The following ANKRD49 variants were observed in gnomAD, a reference collection of about 807,000 sequenced individuals.
ANKRD49 encodes the protein ankyrin repeat domain 49, also known as ankyrin repeat domain-containing protein 49.
ANKRD49 carries 18 observed loss-of-function variants against 19.6 expected under a neutral mutation model. The ratio of observed to expected loss-of-function variants is 0.92; its 90% CI spans 0.63 to 1.36. The LOEUF is 1.36. ANKRD49 is among the 40% of genes most tolerant of loss of function. ANKRD49 has a pLI of 0.00. For synonymous variants in ANKRD49, 88 were observed against 101.8 expected (o/e 0.86, Z 0.82); for missense variants, 218 against 281.6 (o/e 0.77, Z 1.62).
In ANKRD49 at chr11:94,498,865, A is replaced by T. The variant is rs1160608044; in HGVS notation, c.*333A>T. 3 of 268,692 alleles carry T rather than the reference A, an allele frequency of 1.1e-5. No homozygotes were observed. The highest frequency in any genetic ancestry group is 2.1e-5 in the Non-Finnish European group (3 of 141,266). 16.6% of individuals were successfully genotyped at this position (268,692 alleles called of 1,614,324 possible). A position where few individuals can be genotyped will look rare whatever the true frequency, so the allele number is the denominator to read the frequency against. ...TATTTTTAAATATCCCACATCCTGG[A>T]TCTTTGTTGGGTATTTAGTATATTG... On this transcript the variant is annotated 3_prime_UTR_variant, in exon 3 of 3. Transcript: ENST00000544612.
chr11:94,498,052 T>G lies in ANKRD49; in HGVS notation c.259-19T>G, dbSNP rs1336982329. On this transcript the variant is annotated intron_variant, in intron 2 of 2. Coordinates refer to ENST00000544612, the MANE Select transcript of ANKRD49 (RefSeq NM_017704.3). ...TTTGGTTTGAGTTGAGTTGAAAGAT[T>G]TCTTTTTTTTCTTCTCAGCTTACCA... is the stretch of plus-strand genomic sequence containing the variant. 1.3e-6 allele frequency: 2 copies of G among 1,535,812 alleles called. No individual in the cohort carries two copies. Among genetic ancestry groups the G allele is most frequent in the Admixed American group, 4.2e-5 (2 of 47,558 alleles).
Position 94,496,684 on chromosome 11 carries a change from G to C in ANKRD49, c.-10G>C, listed in dbSNP as rs751524945. On this transcript the variant is annotated 5_prime_UTR_variant, in exon 2 of 3. Transcript: ENST00000544612. ...TTTGAAATGCTTTTTATTTAGAATA[G>C]TAGTAAAAAATGGAAAAAGAAAAAG... is the stretch of plus-strand genomic sequence containing the variant. 18 of 1,567,712 alleles carry C rather than the reference G, an allele frequency of 1.1e-5. No homozygotes were observed. The South Asian group carries it at 1.8e-4, about 16-fold the overall frequency.
chr11:94,496,906 A>G lies in ANKRD49; in HGVS notation c.213A>G (p.Glu71=), dbSNP rs770291857. The stretch of plus-strand genomic sequence containing the variant: ...ATCGATTGCAAGAAAAAAAAATGGA[A>G]AAAGACCCAAGCAGATTGCTTCTTT... ...EWYRLQEKKM[E]KDPSRLLLWA... The change falls in exon 2 of 3, where the codon GAA becomes GAG. Residue 71 remains glutamate, a synonymous_variant. Transcript: ENST00000544612. 1 of 1,613,914 alleles carries G rather than the reference A, an allele frequency of 6.2e-7. No individual in the cohort carries two copies. Among genetic ancestry groups the G allele is most frequent in the Non-Finnish European group, 8.5e-7 (1 of 1,179,984 alleles).
At chr11:94,494,190 T>A (rs1331813446) in intron 1 of ANKRD49, 155 bp downstream of exon 1, 1 of 152,190 alleles carries the variant, frequency 6.6e-6, no homozygotes. Context: ...AAGCCGCTTC[T>A]CCGCTCTTGG....
chr11:94,498,177 A>G lies in ANKRD49; in HGVS notation c.365A>G (p.Asp122Gly). The change falls in exon 3 of 3, where the codon GAT (aspartate) becomes GGT (glycine). Residue 122 changes from aspartate to glycine, a missense_variant. Physicochemically the swap from Asp to Gly is moderately conservative, Grantham distance 94 (BLOSUM62 -1). Coordinates refer to ENST00000544612, the MANE Select transcript of ANKRD49 (RefSeq NM_017704.3). The stretch of plus-strand genomic sequence containing the variant: ...CGAGCAGCCTACAGTGGACACTTAG[A>G]TATTGTTCAGGAGCTCATTGCACAG... ...LHRAAYSGHL[D>G]IVQELIAQGA... The G allele has an allele frequency of 6.2e-7, 1 of 1,614,148 alleles. No homozygotes were observed. Among genetic ancestry groups the G allele is most frequent in the Non-Finnish European group, 8.5e-7 (1 of 1,180,036 alleles).
intron 2 of ANKRD49, 116 bp from the exon 3 acceptor site, chr11:94,497,955 C>G: frequency 1.4e-6 from 1 of 732,616 alleles, no homozygotes; most frequent in Non-Finnish European, 2.1e-6. Flanking sequence ...TTAAAGTCAT[C>G]TACTAACAAG....
chr11:94,494,222 G>C (rs1354898880), intron 1 of ANKRD49, 187 bp downstream of exon 1: 3 of 152,212 alleles, frequency 2.0e-5, no homozygotes, highest in Admixed American at 2.0e-4. Flanking sequence ...GCCGCAGGCG[G>C]AGCTCACGGG....
Position 94,496,642 on chromosome 11 carries a change from A to T in ANKRD49, c.-52A>T, listed in dbSNP as rs918981541. On this transcript the variant is annotated 5_prime_UTR_variant, in exon 2 of 3. It adds an upstream start codon to the 5' untranslated region. Transcript: ENST00000544612. ...AAGCAGTCATAATTCATCTCTAGAAAGATTTATATCCTGGCATTTGAAATG... is the reference window on the plus strand; with the variant it reads ...AAGCAGTCATAATTCATCTCTAGAATGATTTATATCCTGGCATTTGAAATG... 28 of 1,455,872 alleles carry T rather than the reference A, an allele frequency of 1.9e-5. No homozygotes were observed. The highest frequency in any genetic ancestry group is 6.9e-5 in the South Asian group (5 of 72,142). The allele number at this position is 1,455,872 out of a possible 1,614,324, so 90.2% of individuals were successfully genotyped here.
Position 94,498,634 on chromosome 11 carries a change from T to G in ANKRD49, c.*102T>G. 5.1e-6 allele frequency: 5 copies of G among 983,292 alleles called. No individual in the cohort carries two copies. The highest frequency in any genetic ancestry group is 7.6e-6 in the Non-Finnish European group (5 of 657,636). 60.9% of individuals were successfully genotyped at this position (983,292 alleles called of 1,614,324 possible). A position where few individuals can be genotyped will look rare whatever the true frequency, so the allele number is the denominator to read the frequency against. ...ACGTCAAACATCTTACTACAAAAAT[T>G]CAGTGACATTCATTATAACATTCTT... On this transcript the variant is annotated 3_prime_UTR_variant, in exon 3 of 3. Coordinates refer to ENST00000544612, the MANE Select transcript of ANKRD49 (RefSeq NM_017704.3).
In ANKRD49 at chr11:94,499,225, A is replaced by G. The variant is rs1947458767; in HGVS notation, c.*693A>G. 1 of 152,984 alleles carries G rather than the reference A, an allele frequency of 6.5e-6. No individual in the cohort carries two copies. The highest frequency in any genetic ancestry group is 1.5e-5 in the Non-Finnish European group (1 of 68,246). 9.5% of individuals were successfully genotyped at this position (152,984 alleles called of 1,614,324 possible). A position where few individuals can be genotyped will look rare whatever the true frequency, so the allele number is the denominator to read the frequency against. On this transcript the variant is annotated 3_prime_UTR_variant, in exon 3 of 3. Coordinates refer to ENST00000544612, the MANE Select transcript of ANKRD49 (RefSeq NM_017704.3). ...GGTCAACCTACATGATCCTTAAGCT[A>G]ATGGCGAATCACGATGACCTTGTAG...
At chr11:94,495,395 C>T (rs1947400808) in intron 1 of ANKRD49, among the ~76,000 whole-genome samples, 1 of 152,052 alleles carries the variant, frequency 6.6e-6, no homozygotes, top group African/African-American at 2.4e-5. Flanking sequence ...TATCTTTCAG[C>T]TTATAATCTT....
At chr11:94,496,349 C>G (rs567067670) in intron 1 of ANKRD49, among the ~76,000 whole-genome samples, 2 of 152,144 alleles carry the variant, frequency 1.3e-5, no homozygotes, top group South Asian at 4.1e-4. Context: ...ATACCTAAAC[C>G]AGTAGATTAA....
rs1947450674 is a variant in ANKRD49 at position 94,498,541 on chromosome 11, G to A, written c.*9G>A. ...CTTCACCTCAGTCTTAACAATTCTA[G>A]TAATTTTCCTAAGTTTCTAAATACC... is the stretch of plus-strand genomic sequence containing the variant. On this transcript the variant is annotated 3_prime_UTR_variant, in exon 3 of 3. Coordinates refer to ENST00000544612, the MANE Select transcript of ANKRD49 (RefSeq NM_017704.3). 2.5e-6 allele frequency: 4 copies of A among 1,594,910 alleles called. No homozygotes were observed. The highest frequency in any genetic ancestry group is 3.4e-6 in the Non-Finnish European group (4 of 1,169,702).
rs1203218620 is a variant in ANKRD49 at position 94,498,064 on chromosome 11, T to C, written c.259-7T>C. 2.6e-6 allele frequency: 4 copies of C among 1,553,816 alleles called. No individual in the cohort carries two copies. The East Asian group carries it at 6.8e-5, about 26-fold the overall frequency. Reference sequence around the variant, plus strand: ...TGAGTTGAAAGATTTCTTTTTTTTCTTCTCAGCTTACCACAGTGCGGAGAC... The same window carrying C: ...TGAGTTGAAAGATTTCTTTTTTTTCCTCTCAGCTTACCACAGTGCGGAGAC... On this transcript the variant is annotated splice_polypyrimidine_tract_variant and splice_region_variant and intron_variant, in intron 2 of 2. Transcript: ENST00000544612.
rs772650392 is a variant in ANKRD49 at position 94,498,539 on chromosome 11, T to C, written c.*7T>C. On this transcript the variant is annotated 3_prime_UTR_variant, in exon 3 of 3. Coordinates refer to ENST00000544612, the MANE Select transcript of ANKRD49 (RefSeq NM_017704.3). ...TTCTTCACCTCAGTCTTAACAATTC[T>C]AGTAATTTTCCTAAGTTTCTAAATA... The C allele has an allele frequency of 6.3e-7, 1 of 1,596,376 alleles. No homozygotes were observed. Among genetic ancestry groups the C allele is most frequent in the South Asian group, 1.1e-5 (1 of 88,828 alleles).
At chr11:94,494,873 C>T (rs1287632515) in intron 1 of ANKRD49, among the ~76,000 whole-genome samples, 1 of 152,082 alleles carries the variant, frequency 6.6e-6, no homozygotes, top group Non-Finnish European at 1.5e-5. Context: ...TTATTAGCAT[C>T]TGTTAAGTGT....
At chr11:94,497,316 TTC>T (rs1396297345) in intron 2 of ANKRD49, 4 of 390,748 alleles carry the variant, frequency 1.0e-5, no homozygotes, top group African/African-American at 8.2e-5. Flanking sequence ...AGTAATATTC[TTC>T]TCTTTTATAG....
chr11:94,498,549 C>T lies in ANKRD49; in HGVS notation c.*17C>T, dbSNP rs977952872. 1.9e-6 allele frequency: 3 copies of T among 1,587,210 alleles called. No homozygotes were observed. Among genetic ancestry groups the T allele is most frequent in the African/African-American group, 2.7e-5 (2 of 73,908 alleles). On this transcript the variant is annotated 3_prime_UTR_variant, in exon 3 of 3. Transcript: ENST00000544612. ...CAGTCTTAACAATTCTAGTAATTTT[C>T]CTAAGTTTCTAAATACCAGTGCCTC...
chr11:94,498,056 T>A lies in ANKRD49; in HGVS notation c.259-15T>A. 6.5e-7 allele frequency: 1 copy of A among 1,542,230 alleles called. No individual in the cohort carries two copies. The highest frequency in any genetic ancestry group is 8.7e-7 in the Non-Finnish European group (1 of 1,146,414). On this transcript the variant is annotated splice_polypyrimidine_tract_variant and intron_variant, in intron 2 of 2. Coordinates refer to ENST00000544612, the MANE Select transcript of ANKRD49 (RefSeq NM_017704.3). ...GTTTGAGTTGAGTTGAAAGATTTCT[T>A]TTTTTTCTTCTCAGCTTACCACAGT...
Sources: allele counts gnomAD v4.1 joint callset (sites outside exome capture counted in the v4.1 genomes callset), GRCh38; gene constraint gnomAD v4.1.1; transcripts MANE v1.5; gene names NCBI Gene and HGNC (gene_info 2026-07-23, HGNC 2026-07-21).